Variants in CCDC148 observed in about 807,000 individuals in gnomAD.
The protein encoded by CCDC148 is coiled-coil domain-containing protein 148.
Under a neutral mutation model 85.7 loss-of-function variants are expected in CCDC148, and 89 were observed. The observed-to-expected ratio is 1.04, with a 90% CI of 0.87 to 1.24. The LOEUF is 1.24. Among genes scored for constraint, CCDC148 ranks in the 50% most tolerant of loss-of-function variants. The probability of loss-of-function intolerance (pLI) is 0.00; values close to 1 mark genes in which losing one functional copy is unlikely to be tolerated. For missense variants in CCDC148, 692 were observed against 671.7 expected, an observed-to-expected ratio of 1.03 and a Z score of -0.33; for synonymous variants, 230 against 213.9, an observed-to-expected ratio of 1.08 and a Z score of -0.66.
intron 2 of CCDC148, among the ~76,000 whole-genome samples, chr2:158,351,980 C>A (rs539181918): frequency 2.1e-5 from 3 of 142,804 alleles, no homozygotes; most frequent in Non-Finnish European, 4.5e-5. Flanking sequence ...ACACCTCACA[C>A]GGCAGGGTAT....
At chr2:158,185,550 G>A (rs1435326378) in intron 11 of CCDC148, among the ~76,000 whole-genome samples, 1 of 152,076 alleles carries the variant, frequency 6.6e-6, no homozygotes. Context: ...TTCTAAGCCT[G>A]CTGTTTGAGT....
intron 1 of CCDC148, among the ~76,000 whole-genome samples, chr2:158,374,613 T>G (rs377485233): frequency 6.6e-6 from 1 of 151,954 alleles, no homozygotes; most frequent in African/African-American, 2.4e-5. Flanking sequence ...CAAAGGGGAC[T>G]TTAGCTTTAA....
At chr2:158,210,318 CT>C (rs945928352) in intron 11 of CCDC148, among the ~76,000 whole-genome samples, 1 of 152,096 alleles carries the variant, frequency 6.6e-6, no homozygotes, top group African/African-American at 2.4e-5. Flanking sequence ...AAAGCAAGTT[CT>C]TAGAGATCTA....
At chr2:158,335,164 G>T (rs1682299910) in intron 7 of CCDC148, among the ~76,000 whole-genome samples, 1 of 151,700 alleles carries the variant, frequency 6.6e-6, no homozygotes, top group East Asian at 1.9e-4. Flanking sequence ...GTCTTCAAAG[G>T]CTGTCTTCCT....
At chr2:158,259,684 T>C (rs900426382) in intron 9 of CCDC148, among the ~76,000 whole-genome samples, 5 of 151,978 alleles carry the variant, frequency 3.3e-5, no homozygotes, top group Non-Finnish European at 7.4e-5. Context: ...TATTTATTCA[T>C]TTATTTGTAT....
intron 1 of CCDC148, among the ~76,000 whole-genome samples, chr2:158,394,420 T>G (rs1394476349): frequency 6.6e-6 from 1 of 151,878 alleles, no homozygotes; most frequent in Admixed American, 6.6e-5. Context: ...TTCTAAAAAC[T>G]TGGGAGGTAG....
intron 11 of CCDC148, among the ~76,000 whole-genome samples, chr2:158,213,064 A>G (rs1244483008): frequency 6.6e-6 from 1 of 152,178 alleles, no homozygotes; most frequent in East Asian, 1.9e-4. Flanking sequence ...CCCCAGAGAT[A>G]TGAATTTAGT....
Position 158,323,092 on chromosome 2 carries a change from A to C in CCDC148, c.765-9198T>G, listed in dbSNP as rs566204475. On this transcript the variant is annotated intron_variant, in intron 7 of 13. Transcript: ENST00000283233. ...TCATGTTACTGATGAAATACAGCCC[A>C]AATAGAATCTAAATAGCTTCACAAA... is the stretch of plus-strand genomic sequence containing the variant. Among the ~76,000 whole-genome samples the C allele has an allele frequency of 5.9e-5, 9 of 152,290 alleles. No individual in the cohort carries two copies. In the East Asian group the frequency reaches 1.7e-3, roughly 29 times the overall value.
At chr2:158,195,934 C>T (rs1685648276) in intron 11 of CCDC148, among the ~76,000 whole-genome samples, 1 of 152,130 alleles carries the variant, frequency 6.6e-6, no homozygotes, top group African/African-American at 2.4e-5. Context: ...AGATATAGCA[C>T]ATCAGGTCTG....
In CCDC148 at chr2:158,176,597, C is replaced by A; in HGVS notation, c.1553G>T (p.Arg518Ile). The A allele has an allele frequency of 6.2e-7, 1 of 1,612,232 alleles. No homozygotes were observed. Among genetic ancestry groups the A allele is most frequent in the Non-Finnish European group, 8.5e-7 (1 of 1,179,004 alleles). Reference sequence around the variant, plus strand: ...TTCTTCTTCAATTTCAATGCCCATTCTAGCTTTTGATGCCATTGTATCTGA... The same window carrying A: ...TTCTTCTTCAATTTCAATGCCCATTATAGCTTTTGATGCCATTGTATCTGA... The part of the protein sequence containing the change: ...MMSDTMASKA[R>I]MGIEIEEEFI... The change falls in exon 13 of 14, where the codon AGA becomes ATA. Residue 518 changes from arginine to isoleucine, a missense_variant. Coordinates refer to ENST00000283233, the MANE Select transcript of CCDC148 (RefSeq NM_138803.4).
intron 10 of CCDC148, among the ~76,000 whole-genome samples, chr2:158,250,131 A>G (rs1688729116): frequency 6.6e-6 from 1 of 152,102 alleles, no homozygotes; most frequent in Non-Finnish European, 1.5e-5. Context: ...AAATGCCTAA[A>G]TAAGTATCTC....
At chr2:158,298,316 C>T (rs182289650) in intron 9 of CCDC148, among the ~76,000 whole-genome samples, 87 of 147,440 alleles carry the variant, frequency 5.9e-4, no homozygotes, top group African/African-American at 1.9e-3. Flanking sequence ...CTGTCAAGTG[C>T]CTAGGTGTGG....
intron 9 of CCDC148, among the ~76,000 whole-genome samples, chr2:158,278,369 T>G (rs1194183433): frequency 6.6e-6 from 1 of 152,138 alleles, no homozygotes; most frequent in Non-Finnish European, 1.5e-5. Context: ...TGCCCTTTCC[T>G]AGTCAAAGAA....
At chr2:158,263,419 C>A (rs1261699393) in intron 9 of CCDC148, among the ~76,000 whole-genome samples, 1 of 151,844 alleles carries the variant, frequency 6.6e-6, no homozygotes, top group East Asian at 1.9e-4. Context: ...AGTTTATTAA[C>A]CACTTTACAT....
At chr2:158,341,122 G>T (rs1682666833) in intron 3 of CCDC148, among the ~76,000 whole-genome samples, 1 of 152,106 alleles carries the variant, frequency 6.6e-6, no homozygotes, top group African/African-American at 2.4e-5. Context: ...ATGAGACCCT[G>T]AATTACAGAG....
intron 1 of CCDC148, among the ~76,000 whole-genome samples, chr2:158,373,761 C>A (rs1303614479): frequency 1.3e-5 from 2 of 152,024 alleles, no homozygotes; most frequent in Non-Finnish European, 2.9e-5. Context: ...CCTCTACCCC[C>A]AATTATTCTT....
chr2:158,281,329 G>T (rs1574537862), intron 9 of CCDC148, among the ~76,000 whole-genome samples: 1 of 152,106 alleles, frequency 6.6e-6, no homozygotes, highest in African/African-American at 2.4e-5. Context: ...AAAAATTAAT[G>T]AATCCAGGAG....
In CCDC148 at chr2:158,326,375, C is replaced by A. The variant is rs78777405; in HGVS notation, c.764+12351G>T. Among the ~76,000 whole-genome samples, 4 of 152,280 alleles carry A rather than the reference C, an allele frequency of 2.6e-5. No homozygotes were observed. The East Asian group carries it at 7.7e-4, about 29-fold the overall frequency. Reference sequence around the variant, plus strand: ...CTATCTCTCTTACTTTGTATTTTTTCATAGCACTTATCACCTTCTAACACT... The same window carrying A: ...CTATCTCTCTTACTTTGTATTTTTTAATAGCACTTATCACCTTCTAACACT... On this transcript the variant is annotated intron_variant, in intron 7 of 13. Coordinates refer to ENST00000283233, the MANE Select transcript of CCDC148 (RefSeq NM_138803.4).
At chr2:158,242,587 G>A (rs1688394183) in intron 10 of CCDC148, among the ~76,000 whole-genome samples, 1 of 151,782 alleles carries the variant, frequency 6.6e-6, no homozygotes, top group African/African-American at 2.4e-5. Context: ...CACTTGCAGT[G>A]GGCTCACTGA....
Sources: allele counts gnomAD v4.1 joint callset (sites outside exome capture counted in the v4.1 genomes callset), GRCh38; gene constraint gnomAD v4.1.1; transcripts MANE v1.5; gene names NCBI Gene and HGNC (gene_info 2026-07-23, HGNC 2026-07-21).